Variants in OSBPL1A observed in about 807,000 individuals in gnomAD.
OSBPL1A encodes the protein oxysterol binding protein like 1A.
A neutral mutation model predicts 137.1 loss-of-function variants in OSBPL1A; 80 were observed. The ratio of observed to expected loss-of-function variants is 0.58; its 90% CI spans 0.49 to 0.70. The LOEUF is 0.70. Ranked by LOEUF, OSBPL1A falls within the 30% of genes least tolerant of loss-of-function variation. OSBPL1A has a pLI of 0.00. For synonymous variants in OSBPL1A, 365 were observed against 389.7 expected (o/e 0.94, Z 0.75); for missense variants, 970 against 1,129.4 (o/e 0.86, Z 2.02).
At chr18:24,250,150 G>GGTT (rs1376023037) in intron 15 of OSBPL1A, among the ~76,000 whole-genome samples, 10 of 107,218 alleles carry the variant, frequency 9.3e-5, no homozygotes, top group Non-Finnish European at 1.9e-4. Context: ...AGGCGTTTGT[G>GGTT]TGTTTTTGTT....
chr18:24,202,918 G>T (rs1283322246), intron 17 of OSBPL1A, among the ~76,000 whole-genome samples: 4 of 152,136 alleles, frequency 2.6e-5, no homozygotes, highest in Admixed American at 1.3e-4. Context: ...TATGCCAAAT[G>T]GTAGTAAATA....
chr18:24,336,845 C>G (rs987287647), intron 5 of OSBPL1A, among the ~76,000 whole-genome samples: 1 of 152,144 alleles, frequency 6.6e-6, no homozygotes, highest in Non-Finnish European at 1.5e-5. Flanking sequence ...TTTGCAACCA[C>G]TAGAGTAATC....
chr18:24,281,546 C>T (rs531033393), intron 14 of OSBPL1A, among the ~76,000 whole-genome samples: 12 of 151,676 alleles, frequency 7.9e-5, no homozygotes, highest in Non-Finnish European at 1.5e-4. Context: ...CGCTATCATG[C>T]CTGGCTAATT....
At chr18:24,337,210 T>C (rs1157269414) in intron 5 of OSBPL1A, among the ~76,000 whole-genome samples, 7 of 152,068 alleles carry the variant, frequency 4.6e-5, no homozygotes, top group Non-Finnish European at 1.5e-5. Flanking sequence ...AAGGTCAATA[T>C]CGGCCAGGTG....
At chr18:24,269,523 TATAAG>T (rs1389770254) in intron 15 of OSBPL1A, among the ~76,000 whole-genome samples, 1 of 152,158 alleles carries the variant, frequency 6.6e-6, no homozygotes, top group Non-Finnish European at 1.5e-5. Flanking sequence ...AGCAGTTTCT[TATAAG>T]GTAAACAATC....
At position 24,163,243 on chromosome 18, in the gene OSBPL1A, T is replaced by C. The variant is rs1002039742; in HGVS notation, c.2789A>G (p.Gln930Arg). Residue 930 changes from glutamine (Q) to arginine (R), a missense_variant, in exon 28 of 28, where the codon CAG (glutamine) becomes CGG (arginine). Coordinates refer to ENST00000319481, the MANE Select transcript of OSBPL1A (RefSeq NM_080597.4). ...HQGPNPYNGA[Q>R]DWIYSGSYWD... ...GTAGCTGCCAGAGTAAATCCAGTCC[T>C]GTGCTCCATTGTAGGGATTAGGACC... 3 of 1,613,374 alleles carry C rather than the reference T, an allele frequency of 1.9e-6. No homozygotes were observed. In the African/African-American group the frequency reaches 4.0e-5, roughly 22 times the overall value.
chr18:24,377,615 G>T, intron 1 of OSBPL1A, 80 bp from the exon 2 acceptor site: 1 of 1,357,244 alleles, frequency 7.4e-7, no homozygotes. Flanking sequence ...TACAGAAAGG[G>T]GAAAGAATCC....
intron 15 of OSBPL1A, among the ~76,000 whole-genome samples, chr18:24,252,253 AG>A: frequency 6.6e-6 from 1 of 152,302 alleles, no homozygotes; most frequent in East Asian, 1.9e-4. Flanking sequence ...AACCCAAAGA[AG>A]ACGACCTCAT....
At chr18:24,305,214 G>C (rs752628956) in intron 13 of OSBPL1A, among the ~76,000 whole-genome samples, 24 of 152,158 alleles carry the variant, frequency 1.6e-4, no homozygotes, top group Non-Finnish European at 3.1e-4. Flanking sequence ...GTAATAAACA[G>C]GATAGTTTTC....
At chr18:24,169,373 G>A (rs1801786378) in intron 24 of OSBPL1A, among the ~76,000 whole-genome samples, 1 of 152,182 alleles carries the variant, frequency 6.6e-6, no homozygotes, top group South Asian at 2.1e-4. Flanking sequence ...TCTTCGGTAG[G>A]TCTGAGGTGA....
chr18:24,307,586 GT>G (rs947318592), intron 13 of OSBPL1A, among the ~76,000 whole-genome samples: 6 of 151,912 alleles, frequency 3.9e-5, no homozygotes, highest in Admixed American at 6.6e-5. Flanking sequence ...GTACATCCCT[GT>G]TTTTTTTCCT....
chr18:24,388,754 C>T (rs1208833293), intron 1 of OSBPL1A, among the ~76,000 whole-genome samples: 6 of 141,068 alleles, frequency 4.3e-5, no homozygotes, highest in African/African-American at 1.1e-4. Flanking sequence ...GAGCCAAGAT[C>T]GCGCCACTGC....
In OSBPL1A at chr18:24,271,843, G is replaced by C. The variant is rs1180702439; in HGVS notation, c.1281+8999C>G. The C allele has an allele frequency of 1.0e-6, 1 of 985,306 alleles. No individual in the cohort carries two copies. Among genetic ancestry groups the C allele is most frequent in the Non-Finnish European group, 1.2e-6 (1 of 829,980 alleles). The allele number at this position is 985,306 out of a possible 1,614,324, so 61.0% of individuals were successfully genotyped here. On this transcript the variant is annotated intron_variant, in intron 15 of 27. Coordinates refer to ENST00000319481, the MANE Select transcript of OSBPL1A (RefSeq NM_080597.4). This position sits in a 1 kb window ranked among gnomAD's most constrained non-coding sequence, Gnocchi z 4.0. The stretch of plus-strand genomic sequence containing the variant: ...GGCAGCAGCGCCAGCCTTCCCCAGC[G>C]AGGTCGGGCAGAGGCGTTGCCCGCC...
chr18:24,202,174 G>A (rs948698795), intron 17 of OSBPL1A, among the ~76,000 whole-genome samples: 3 of 152,138 alleles, frequency 2.0e-5, no homozygotes, highest in African/African-American at 7.2e-5. Context: ...GGAAACCAGA[G>A]CTACAGTGCA....
chr18:24,376,574 C>A (rs771798943), intron 2 of OSBPL1A, among the ~76,000 whole-genome samples: 1 of 152,348 alleles, frequency 6.6e-6, no homozygotes, highest in African/African-American at 2.4e-5. Flanking sequence ...CTGCACCATG[C>A]GCCCGCACTC....
Position 24,177,866 on chromosome 18 carries a change from T to A in OSBPL1A, c.2093+147A>T, listed in dbSNP as rs144020550. 2.8e-3 allele frequency: 1,836 copies of A among 665,334 alleles called. 64 individuals are homozygous for A. In the Admixed American group the frequency reaches 0.052, roughly 19 times the overall value. 41.2% of individuals were successfully genotyped at this position (665,334 alleles called of 1,614,324 possible). On this transcript the variant is annotated intron_variant, in intron 21 of 27. Coordinates refer to ENST00000319481, the MANE Select transcript of OSBPL1A (RefSeq NM_080597.4). ...ATGGCTACTGCCATGTTTCTCAAAT[T>A]CTTTTACATAGACGTAGACAGTTTG...
chr18:24,195,327 A>C (rs1293140250), intron 18 of OSBPL1A, among the ~76,000 whole-genome samples: 2 of 152,104 alleles, frequency 1.3e-5, no homozygotes, highest in African/African-American at 4.8e-5. Flanking sequence ...ATGAAAAAAG[A>C]AAGAAAATGA....
At chr18:24,308,117 CT>C (rs55806542) in intron 13 of OSBPL1A, among the ~76,000 whole-genome samples, 26,564 of 130,318 alleles carry the variant, frequency 0.2, 2,778 homozygotes, top group African/African-American at 0.36. Context: ...CTGCTCATTA[CT>C]TTTTTTTTTT....
chr18:24,195,191 C>T (rs2086992879), intron 18 of OSBPL1A, among the ~76,000 whole-genome samples: 1 of 151,992 alleles, frequency 6.6e-6, no homozygotes, highest in African/African-American at 2.4e-5. Context: ...GTCCCAGCTA[C>T]TCAGGAGGCT....
Sources: allele counts gnomAD v4.1 joint callset (sites outside exome capture counted in the v4.1 genomes callset), GRCh38; gene constraint gnomAD v4.1.1; non-coding constraint Gnocchi (gnomAD v3.1); transcripts MANE v1.5; gene names NCBI Gene and HGNC (gene_info 2026-07-23, HGNC 2026-07-21).